The following SHISA9 variants were observed in gnomAD, a reference collection of about 807,000 sequenced individuals.
The protein encoded by SHISA9 is protein shisa-9.
Under a neutral mutation model 38.0 loss-of-function variants are expected in SHISA9, and 13 were observed. The observed-to-expected ratio is 0.34, with a 90% confidence interval of 0.22 to 0.54. The LOEUF (loss-of-function observed/expected upper bound fraction) is 0.54. SHISA9 is among the 20% of genes least tolerant of loss of function. The pLI, the probability that SHISA9 is intolerant of heterozygous loss-of-function variation, is 0.91. For missense variants in SHISA9, 538 were observed against 575.8 expected, an observed-to-expected ratio of 0.93 and a Z score of 0.67; for synonymous variants, 275 against 242.0, an observed-to-expected ratio of 1.14 and a Z score of -1.27.
At chr16:13,136,927 A>G (rs2050354777) in intron 2 of SHISA9, among the ~76,000 whole-genome samples, 1 of 152,162 alleles carries the variant, frequency 6.6e-6, no homozygotes, top group Admixed American at 6.5e-5. Context: ...CAGGTTCCTA[A>G]GGAGTTAGAT....
intron 4 of SHISA9, among the ~76,000 whole-genome samples, chr16:13,229,313 C>T (rs1240037559): frequency 1.3e-5 from 2 of 152,188 alleles, no homozygotes; most frequent in Non-Finnish European, 2.9e-5. Flanking sequence ...AAATGACAGT[C>T]ATGATAAATG....
the SHISA9 span, among the ~76,000 whole-genome samples, chr16:13,313,123 C>T: frequency 1.3e-5 from 2 of 149,666 alleles, no homozygotes; most frequent in Admixed American, 6.6e-5. Context: ...GGCGTAGTGG[C>T]GGGCGCCTGT....
Position 13,239,752 on chromosome 16 carries a change from AGGTTG to A in SHISA9, c.*4344_*4348del, listed in dbSNP as rs1256727604. On this transcript the variant is annotated 3_prime_UTR_variant, in exon 5 of 5. Coordinates refer to ENST00000558583, the MANE Select transcript of SHISA9 (RefSeq NM_001145204.3). ...GATATTAGCCCTTTGTCAGATGAGT[AGGTTG>A]CGAAAATTTTCTCCCATTTTGTAGG... The A allele has an allele frequency of 6.6e-6, 1 of 151,932 alleles. No individual in the cohort carries two copies. The highest frequency in any genetic ancestry group is 1.9e-4 in the East Asian group (1 of 5,174). 9.4% of individuals were successfully genotyped at this position (151,932 alleles called of 1,614,324 possible).
chr16:13,194,721 G>A (rs1477741193), intron 2 of SHISA9, among the ~76,000 whole-genome samples: 2 of 152,202 alleles, frequency 1.3e-5, no homozygotes, highest in Non-Finnish European at 2.9e-5. Flanking sequence ...CACTCAGGAA[G>A]ACAAGAAGAG....
At chr16:13,211,593 T>C (rs571886634) in intron 3 of SHISA9, among the ~76,000 whole-genome samples, 1 of 152,352 alleles carries the variant, frequency 6.6e-6, no homozygotes, top group East Asian at 1.9e-4. Flanking sequence ...ACCCTCAAAG[T>C]ATTTTTCTAA....
chr16:13,387,682 G>A, the SHISA9 span, among the ~76,000 whole-genome samples: 1 of 152,052 alleles, frequency 6.6e-6, no homozygotes, highest in African/African-American at 2.4e-5. Context: ...TAGAGACAAT[G>A]TTTCACCATG....
At chr16:13,260,311 T>C in the SHISA9 span, among the ~76,000 whole-genome samples, 4 of 152,108 alleles carry the variant, frequency 2.6e-5, no homozygotes, top group Non-Finnish European at 5.9e-5. Context: ...CCACCGCGCC[T>C]GGCCGGGTTT....
the SHISA9 span, among the ~76,000 whole-genome samples, chr16:13,375,980 A>T: frequency 1.8e-4 from 28 of 152,326 alleles, no homozygotes; most frequent in Non-Finnish European, 3.5e-4. Flanking sequence ...GTGGGAAAAA[A>T]AAAATCTTAA....
intron 2 of SHISA9, among the ~76,000 whole-genome samples, chr16:13,086,071 T>C (rs1438705719): frequency 6.6e-6 from 1 of 152,186 alleles, no homozygotes; most frequent in African/African-American, 2.4e-5. Flanking sequence ...AATTATATTG[T>C]CATTGGCCTG....
rs568429070 is a variant in SHISA9, at chr16:13,117,702, C to T, written c.692-85692C>T. Among the ~76,000 whole-genome samples the T allele has an allele frequency of 5.9e-5, 9 of 152,272 alleles. No individual in the cohort carries two copies. In the South Asian group the frequency reaches 1.9e-3, roughly 32 times the overall value. ...CTAGAGCCTTGGGAAGGGGCATGGC[C>T]CTGCCAACAGCCCAATTTCATACTT... On this transcript the variant is annotated intron_variant, in intron 2 of 4. Transcript: ENST00000558583.
At chr16:13,489,664 C>T in the SHISA9 span, among the ~76,000 whole-genome samples, 40,239 of 152,106 alleles carry the variant, frequency 0.26, 5,713 homozygotes, top group East Asian at 0.42. Context: ...GATTGTGAGA[C>T]ATCCCCAGCC....
the SHISA9 span, among the ~76,000 whole-genome samples, chr16:13,258,856 G>A: frequency 1.3e-3 from 195 of 152,212 alleles, no homozygotes; most frequent in Admixed American, 3.5e-3. Context: ...GGAATTCTAG[G>A]AGATACGATT....
chr16:12,917,633 G>T (rs1015254970), intron 2 of SHISA9, among the ~76,000 whole-genome samples: 2 of 152,144 alleles, frequency 1.3e-5, no homozygotes, highest in African/African-American at 2.4e-5. Context: ...TTTAGTTTTT[G>T]ACAATAATGT....
At chr16:13,206,292 C>A (rs771347314) in intron 3 of SHISA9, among the ~76,000 whole-genome samples, 1 of 152,164 alleles carries the variant, frequency 6.6e-6, no homozygotes, top group Admixed American at 6.5e-5. Context: ...ACCCCACAAA[C>A]CATATACTTT....
chr16:13,074,815 C>A (rs558530727), intron 2 of SHISA9, among the ~76,000 whole-genome samples: 1 of 152,030 alleles, frequency 6.6e-6, no homozygotes, highest in East Asian at 1.9e-4. Flanking sequence ...CAGGCACATG[C>A]CACCATGCCT....
At chr16:13,008,730 T>C (rs1049424631) in intron 2 of SHISA9, among the ~76,000 whole-genome samples, 2 of 143,994 alleles carry the variant, frequency 1.4e-5, no homozygotes, top group Non-Finnish European at 3.0e-5. Flanking sequence ...TTGCTTCCCC[T>C]TTACCTTCCA....
At position 13,235,757 on chromosome 16, in the gene SHISA9, G is replaced by T; in HGVS notation, c.*348G>T. ...CTAACTTGAAACTGAAATCCATGGT[G>T]ACAAAATATAAAAGTAGCACAATTT... On this transcript the variant is annotated 3_prime_UTR_variant, in exon 5 of 5. Transcript: ENST00000558583. 3.7e-6 allele frequency: 1 copy of T among 268,808 alleles called. No homozygotes were observed. Among genetic ancestry groups the T allele is most frequent in the East Asian group, 7.6e-5 (1 of 13,170 alleles). 16.7% of individuals were successfully genotyped at this position (268,808 alleles called of 1,614,324 possible).
At chr16:13,408,234 G>GAC in the SHISA9 span, among the ~76,000 whole-genome samples, 1 of 152,040 alleles carries the variant, frequency 6.6e-6, no homozygotes, top group East Asian at 1.9e-4. Flanking sequence ...TTATGTTGTA[G>GAC]ACACTTTTTA....
the SHISA9 span, among the ~76,000 whole-genome samples, chr16:13,448,847 C>T: frequency 6.6e-6 from 1 of 152,062 alleles, no homozygotes; most frequent in Admixed American, 6.6e-5. Flanking sequence ...CCGTGGGTGC[C>T]CTTTGTGTAT....
Sources: gnomAD v4.1 joint callset for allele counts (sites outside exome capture counted in the v4.1 genomes callset) on GRCh38, gnomAD v4.1.1 for gene constraint, MANE v1.5 for transcripts, NCBI Gene and HGNC (gene_info 2026-07-23, HGNC 2026-07-21) for gene names.